The following ITPR2 variants were observed in gnomAD, a reference collection of about 807,000 sequenced individuals.
ITPR2 encodes inositol 1,4,5-trisphosphate-gated calcium channel ITPR2.
In ITPR2, 207 loss-of-function variants were observed where a neutral mutation model predicts 317.1. The ratio of observed to expected loss-of-function variants is 0.65; its 90% confidence interval spans 0.58 to 0.73. The LOEUF is 0.73. ITPR2 is among the 30% of genes least tolerant of loss of function. The pLI is 0.00. For synonymous variants in ITPR2, 1,156 were observed against 1,149.1 expected (o/e 1.01, Z -0.12); for missense variants, 2,613 against 3,284.0 (o/e 0.80, Z 4.99).
intron 1 of ITPR2, among the ~76,000 whole-genome samples, chr12:26,819,255 G>A (rs1402773489): frequency 6.6e-6 from 1 of 152,132 alleles, no homozygotes; most frequent in East Asian, 1.9e-4. Context: ...CCTAGCATAA[G>A]TCAATAATAA....
rs1194992263 is a variant in ITPR2 at position 26,387,426 on chromosome 12, T to C, written c.7857+8A>G. On this transcript the variant is annotated splice_region_variant and intron_variant, in intron 55 of 56. Coordinates refer to ENST00000381340, the MANE Select transcript of ITPR2 (RefSeq NM_002223.4). ...ATAGTCACAAATTAAAACCTTCTGGTCACTCACCACAATCATTTGAGCCAC... is the reference window on the plus strand; with the variant it reads ...ATAGTCACAAATTAAAACCTTCTGGCCACTCACCACAATCATTTGAGCCAC... 6.2e-7 allele frequency: 1 copy of C among 1,612,848 alleles called. No individual in the cohort carries two copies.
At chr12:26,721,471 C>G in intron 5 of ITPR2, 1 of 424,026 alleles carries the variant, frequency 2.4e-6, no homozygotes, top group Non-Finnish European at 4.2e-6. Context: ...AAAACTCTCT[C>G]AGAATAATTA....
chr12:26,812,984 T>C (rs1393670920), intron 1 of ITPR2, among the ~76,000 whole-genome samples: 2 of 152,242 alleles, frequency 1.3e-5, no homozygotes, highest in East Asian at 3.8e-4. Context: ...ACCTGAGTTT[T>C]AAATACTTAA....
chr12:26,573,517 T>C (rs1945211318), intron 34 of ITPR2, among the ~76,000 whole-genome samples: 1 of 151,780 alleles, frequency 6.6e-6, no homozygotes, highest in Non-Finnish European at 1.5e-5. Flanking sequence ...TTTCAAATAG[T>C]GACAAGAGCT....
intron 9 of ITPR2, among the ~76,000 whole-genome samples, chr12:26,699,750 T>C (rs1431112855): frequency 6.6e-6 from 1 of 152,146 alleles, no homozygotes; most frequent in African/African-American, 2.4e-5. Context: ...AAAGGCCAAA[T>C]AAATATATGC....
Position 26,628,221 on chromosome 12 carries a change from C to T in ITPR2, c.2935-59G>A, listed in dbSNP as rs1328783354. The T allele has an allele frequency of 7.7e-6, 10 of 1,295,550 alleles. No homozygotes were observed. In the East Asian group the frequency reaches 1.7e-4, roughly 22 times the overall value. The allele number at this position is 1,295,550 out of a possible 1,614,324, so 80.3% of individuals were successfully genotyped here. A position where few individuals can be genotyped will look rare whatever the true frequency, so the allele number is the denominator to read the frequency against. On this transcript the variant is annotated intron_variant, in intron 22 of 56. Coordinates refer to ENST00000381340, the MANE Select transcript of ITPR2 (RefSeq NM_002223.4). ...TTCATTAGCATAGTATTTAAAAATG[C>T]AATTCACAACACACCAATAACAGTG...
At chr12:26,587,156 T>G (rs1441784676) in intron 32 of ITPR2, among the ~76,000 whole-genome samples, 1 of 150,594 alleles carries the variant, frequency 6.6e-6, no homozygotes, top group Non-Finnish European at 1.5e-5. Flanking sequence ...CATATGACAT[T>G]TATTTATTTC....
At chr12:26,521,099 G>A (rs1023325744) in intron 37 of ITPR2, among the ~76,000 whole-genome samples, 2 of 152,092 alleles carry the variant, frequency 1.3e-5, no homozygotes, top group African/African-American at 2.4e-5. Flanking sequence ...TACTCAAATA[G>A]AAACTCCAGT....
chr12:26,398,443 A>T (rs1162782908), intron 54 of ITPR2, among the ~76,000 whole-genome samples: 2 of 152,196 alleles, frequency 1.3e-5, no homozygotes, highest in East Asian at 3.9e-4. Flanking sequence ...ACAAACAAAC[A>T]GAGAGAAGGC....
In ITPR2 at chr12:26,597,027, G is replaced by T; in HGVS notation, c.4110C>A (p.Gly1370=). 2 of 1,614,052 alleles carry T rather than the reference G, an allele frequency of 1.2e-6. No homozygotes were observed. Among genetic ancestry groups the T allele is most frequent in the Non-Finnish European group, 8.5e-7 (1 of 1,179,990 alleles). ...CSERDRGDES[G]PLAYHITLVE... is the part of the protein sequence containing the mutation. ...CCAGGGTGATGTGGTAGGCTAAGGG[G>T]CCACTCTCATCCCCTCGGTCTCTCT... Residue 1370 remains glycine, a synonymous_variant, in exon 31 of 57, where the codon GGC becomes GGA. Coordinates refer to ENST00000381340, the MANE Select transcript of ITPR2 (RefSeq NM_002223.4).
At chr12:26,465,387 A>T (rs1214741232) in intron 45 of ITPR2, among the ~76,000 whole-genome samples, 1 of 152,206 alleles carries the variant, frequency 6.6e-6, no homozygotes, top group Non-Finnish European at 1.5e-5. Flanking sequence ...TGAAAATGAA[A>T]GCCTGGCAGA....
intron 55 of ITPR2, among the ~76,000 whole-genome samples, chr12:26,385,203 C>T (rs1939631573): frequency 6.6e-6 from 1 of 152,168 alleles, no homozygotes. Context: ...ACTCCTGGCT[C>T]CAAGGCTCAA....
intron 4 of ITPR2, among the ~76,000 whole-genome samples, chr12:26,724,310 T>C (rs1299087471): frequency 6.6e-6 from 1 of 152,156 alleles, no homozygotes; most frequent in Non-Finnish European, 1.5e-5. Context: ...CTTCACAAAA[T>C]GAAAAGCTAA....
At chr12:26,340,110 A>T in intron 56 of ITPR2, 57 bp downstream of exon 56, 1 of 1,487,756 alleles carries the variant, frequency 6.7e-7, no homozygotes, top group Non-Finnish European at 9.0e-7. Context: ...GTCTCCCCTC[A>T]CCGGAAGTGG....
At chr12:26,751,643 C>A (rs370598478) in intron 2 of ITPR2, among the ~76,000 whole-genome samples, 1 of 151,940 alleles carries the variant, frequency 6.6e-6, no homozygotes, top group African/African-American at 2.4e-5. Flanking sequence ...GCTGAGGGGG[C>A]GGATCACAAG....
At chr12:26,485,127 A>G (rs1204846649) in intron 41 of ITPR2, among the ~76,000 whole-genome samples, 2 of 152,170 alleles carry the variant, frequency 1.3e-5, no homozygotes, top group Non-Finnish European at 2.9e-5. Flanking sequence ...ATATTCAGTC[A>G]AGTTCTCTAG....
chr12:26,400,789 A>G (rs572395939), intron 52 of ITPR2: 2 of 152,436 alleles, frequency 1.3e-5, no homozygotes, highest in Admixed American at 1.3e-4. Context: ...TGCAGGGGAG[A>G]GAGCGTGAAC....
At chr12:26,374,155 T>C (rs902843243) in intron 55 of ITPR2, among the ~76,000 whole-genome samples, 6 of 152,206 alleles carry the variant, frequency 3.9e-5, no homozygotes, top group African/African-American at 1.4e-4. Context: ...GTTCCAGCAA[T>C]GCAAATATTT....
At chr12:26,699,208 C>T (rs1425473486) in intron 9 of ITPR2, among the ~76,000 whole-genome samples, 1 of 151,978 alleles carries the variant, frequency 6.6e-6, no homozygotes, top group African/African-American at 2.4e-5. Context: ...ATTAATGTAC[C>T]TAAGTCAAAC....
Sources: allele counts gnomAD v4.1 joint callset (sites outside exome capture counted in the v4.1 genomes callset), GRCh38; gene constraint gnomAD v4.1.1; transcripts MANE v1.5; gene names NCBI Gene and HGNC (gene_info 2026-07-23, HGNC 2026-07-21).